Variants in GABRA5 observed in about 807,000 individuals in gnomAD.
GABRA5 encodes gamma-aminobutyric acid receptor subunit alpha-5.
Under a neutral mutation model 47.3 loss-of-function variants are expected in GABRA5, and 18 were observed. The ratio of observed to expected loss-of-function variants is 0.38; its 90% CI spans 0.26 to 0.56. The LOEUF (loss-of-function observed/expected upper bound fraction) is 0.56, where lower values mean the gene tolerates loss of function less well. GABRA5 is among the 20% of genes least tolerant of loss of function. The pLI, the probability that GABRA5 is intolerant of heterozygous loss-of-function variation, is 0.71. For missense variants in GABRA5, 365 were observed against 599.3 expected (o/e 0.61, Z 4.08); for synonymous variants, 237 against 229.3 (o/e 1.03, Z -0.30).
At chr15:26,871,524 T>G in intron 3 of GABRA5, among the ~76,000 whole-genome samples, 1 of 152,202 alleles carries the variant, frequency 6.6e-6, no homozygotes, top group East Asian at 1.9e-4. Context: ...CAGTAATCCA[T>G]CATAAAACAG....
At chr15:26,944,656 C>A (rs1340442229) in intron 10 of GABRA5, among the ~76,000 whole-genome samples, 4 of 152,164 alleles carry the variant, frequency 2.6e-5, no homozygotes, top group Non-Finnish European at 4.4e-5. Context: ...TGAACTTGTT[C>A]CTGCAGACCA....
chr15:26,903,017 C>G (rs943516660), intron 6 of GABRA5, among the ~76,000 whole-genome samples: 2 of 151,996 alleles, frequency 1.3e-5, no homozygotes, highest in Non-Finnish European at 2.9e-5. Context: ...TATAGATAAA[C>G]TGTGTCACAG....
chr15:26,919,047 G>T (rs1893780498), intron 7 of GABRA5, among the ~76,000 whole-genome samples: 1 of 152,100 alleles, frequency 6.6e-6, no homozygotes. Context: ...GGAGGATGAG[G>T]CAGAAGGATC....
Position 26,867,192 on chromosome 15 carries a change from G to A in GABRA5, c.-140+81G>A, listed in dbSNP as rs1892335426. On this transcript the variant is annotated intron_variant, in intron 1 of 10. Transcript: ENST00000335625. This position sits in a 1 kb window ranked among gnomAD's most constrained non-coding sequence, Gnocchi z 5.9. ...CGCGGCCCGGGGCGCGGCGCGGAGC[G>A]GAGCTGCAGGGCGGCGGCGGGAGCG... The A allele has an allele frequency of 6.7e-6, 1 of 149,090 alleles. No homozygotes were observed. Among genetic ancestry groups the A allele is most frequent in the African/African-American group, 2.4e-5 (1 of 40,970 alleles). 9.2% of individuals were successfully genotyped at this position (149,090 alleles called of 1,614,324 possible).
At chr15:26,931,625 G>T (rs952812668) in intron 7 of GABRA5, among the ~76,000 whole-genome samples, 1 of 152,190 alleles carries the variant, frequency 6.6e-6, no homozygotes, top group Non-Finnish European at 1.5e-5. Context: ...TTTCCAAGGA[G>T]CTCATTATGG....
Position 26,921,994 on chromosome 15 carries a change from T to C in GABRA5, c.580+7109T>C, listed in dbSNP as rs146982163. On this transcript the variant is annotated intron_variant, in intron 7 of 10. Transcript: ENST00000335625. ...TACAATTCTTTTAAATTTGTGAGCA[T>C]TGTTTTATGCACAATATGGCCTACT... Among the ~76,000 whole-genome samples the C allele has an allele frequency of 9.9e-3, 1,502 of 152,248 alleles. 21 individuals are homozygous for C. Among genetic ancestry groups the C allele is most frequent in the African/African-American group, 0.034 (1,398 of 41,558 alleles).
intron 6 of GABRA5, among the ~76,000 whole-genome samples, chr15:26,890,595 C>T (rs1451049634): frequency 2.0e-5 from 3 of 152,134 alleles, no homozygotes; most frequent in African/African-American, 7.2e-5. Context: ...CGCAGCCACA[C>T]CATCCTTCAT....
chr15:26,919,331 C>T (rs1210451217), intron 7 of GABRA5, among the ~76,000 whole-genome samples: 1 of 147,518 alleles, frequency 6.8e-6, no homozygotes, highest in Non-Finnish European at 1.5e-5. Flanking sequence ...CTTTAACTCT[C>T]CTGCTGTCTT....
At position 26,948,188 on chromosome 15, in the gene GABRA5, T is replaced by C. The variant is rs1338007044; in HGVS notation, c.1344T>C (p.Tyr448=). The C allele has an allele frequency of 1.2e-6, 2 of 1,613,772 alleles. No homozygotes were observed. Among genetic ancestry groups the C allele is most frequent in the South Asian group, 2.2e-5 (2 of 91,022 alleles). ...GTFNLVYWAT[Y]LNREPVIKGA... ...TCAACTTAGTTTACTGGGCAACGTA[T>C]TTGAATAGGGAGCCGGTGATAAAAG... Residue 448 remains tyrosine (Y), a synonymous_variant, in exon 11 of 11, where the codon TAT becomes TAC. Transcript: ENST00000335625.
intron 3 of GABRA5, among the ~76,000 whole-genome samples, chr15:26,871,824 C>T (rs1392446377): frequency 2.0e-5 from 3 of 152,164 alleles, no homozygotes; most frequent in South Asian, 2.1e-4. Flanking sequence ...GGGATGTTTA[C>T]GTAGTGAATG....
intron 6 of GABRA5, among the ~76,000 whole-genome samples, chr15:26,896,278 A>G (rs574842091): frequency 2.6e-5 from 4 of 152,354 alleles, no homozygotes; most frequent in Admixed American, 6.5e-5. Context: ...GAAATAGCAC[A>G]TAATTTCTCT....
chr15:26,931,062 A>T (rs1386971320), intron 7 of GABRA5, among the ~76,000 whole-genome samples: 4 of 151,114 alleles, frequency 2.6e-5, no homozygotes, highest in Admixed American at 2.6e-4. Flanking sequence ...TGCCCCGCTA[A>T]TTTTTGTATT....
chr15:26,893,377 GGAC>G, intron 6 of GABRA5, among the ~76,000 whole-genome samples: 1 of 140,798 alleles, frequency 7.1e-6, no homozygotes, highest in East Asian at 2.3e-4. Flanking sequence ...GCGTGTGGCG[GGAC>G]TATATGGAGT....
At chr15:26,868,391 G>A (rs1566860116) in intron 1 of GABRA5, among the ~76,000 whole-genome samples, 1 of 152,136 alleles carries the variant, frequency 6.6e-6, no homozygotes, top group Non-Finnish European at 1.5e-5. Flanking sequence ...GGGGGTTGGG[G>A]GGGCTTCTTG....
Position 26,947,980 on chromosome 15 carries a change from C to A in GABRA5, c.1136C>A (p.Thr379Asn). The A allele has an allele frequency of 6.3e-7, 1 of 1,594,940 alleles. No individual in the cohort carries two copies. The highest frequency in any genetic ancestry group is 8.5e-7 in the Non-Finnish European group (1 of 1,170,066). The stretch of plus-strand genomic sequence containing the variant: ...AATAAGTCAACAAACGCTTTTACAA[C>A]TGGGAAGATGTCTCACCCCCCAAAC... ...ILNKSTNAFT[T>N]GKMSHPPNIP... Residue 379 changes from threonine to asparagine, a missense_variant, in exon 11 of 11, where the codon ACT becomes AAT. By Grantham distance (65) the Thr-to-Asn change is moderately conservative. Transcript: ENST00000335625.
chr15:26,875,317 G>A (rs1203865830), intron 3 of GABRA5, among the ~76,000 whole-genome samples: 1 of 152,160 alleles, frequency 6.6e-6, no homozygotes, highest in East Asian at 1.9e-4. Context: ...GGCATCCTGG[G>A]GGACATTGCC....
At chr15:26,876,600 C>G (rs1892602317) in intron 3 of GABRA5, among the ~76,000 whole-genome samples, 1 of 152,170 alleles carries the variant, frequency 6.6e-6, no homozygotes, top group Non-Finnish European at 1.5e-5. Context: ...AGAAGAGAAG[C>G]TTCCTTGGGA....
intron 3 of GABRA5, among the ~76,000 whole-genome samples, chr15:26,870,039 C>A (rs1301194221): frequency 6.6e-6 from 1 of 152,160 alleles, no homozygotes; most frequent in Non-Finnish European, 1.5e-5. Context: ...CTGACCCGTG[C>A]CCTAGAATTG....
chr15:26,902,092 T>G (rs963042047), intron 6 of GABRA5, among the ~76,000 whole-genome samples: 5 of 152,098 alleles, frequency 3.3e-5, no homozygotes, highest in African/African-American at 9.7e-5. Flanking sequence ...CCTCTGACTT[T>G]GTTCTTTTCC....
Sources: gnomAD v4.1 joint callset for allele counts (sites outside exome capture counted in the v4.1 genomes callset) on GRCh38, gnomAD v4.1.1 for gene constraint, Gnocchi (gnomAD v3.1) non-coding constraint, MANE v1.5 for transcripts, NCBI Gene and HGNC (gene_info 2026-07-23, HGNC 2026-07-21) for gene names.